The following TPGS1 variants were observed in gnomAD, a reference collection of about 807,000 sequenced individuals.
TPGS1 encodes the protein gene trap ROSA b-geo 22.
TPGS1 carries 18 observed loss-of-function variants against 11.9 expected under a neutral mutation model. That is an observed-to-expected ratio of 1.51 (90% confidence interval 1.04 to 2.24). The LOEUF (loss-of-function observed/expected upper bound fraction) is 2.24, where lower values mean the gene tolerates loss of function less well. Among genes scored for constraint, TPGS1 ranks in the 30% most tolerant of loss-of-function variants. The pLI is 0.00. For synonymous variants in TPGS1, 247 were observed against 218.2 expected (o/e 1.13, Z -1.16); for missense variants, 500 against 443.0 (o/e 1.13, Z -1.16).
intron 1 of TPGS1, 87 bp downstream of exon 1, chr19:507,931 G>T: frequency 9.3e-7 from 1 of 1,074,084 alleles, no homozygotes; most frequent in African/African-American, 1.6e-5. Flanking sequence ...CCGCAGCGCC[G>T]GCGCAGGGGC....
intron 1 of TPGS1, among the ~76,000 whole-genome samples, chr19:510,736 C>T (rs1978770212): frequency 2.0e-5 from 3 of 152,218 alleles, no homozygotes. Context: ...TCAGCCACCA[C>T]GTTGCTCATC....
chr19:518,709 G>A (rs1259359535), intron 1 of TPGS1, among the ~76,000 whole-genome samples, 180 bp from the exon 2 acceptor site: 2 of 144,160 alleles, frequency 1.4e-5, no homozygotes, highest in East Asian at 2.1e-4. Flanking sequence ...GCTCAAGAGA[G>A]GAGCTTCAGG....
chr19:519,509 G>T lies in TPGS1; in HGVS notation c.*86G>T. The T allele has an allele frequency of 8.9e-7, 1 of 1,123,380 alleles. No individual in the cohort carries two copies. The highest frequency in any genetic ancestry group is 1.1e-6 in the Non-Finnish European group (1 of 909,144). 69.6% of individuals were successfully genotyped at this position (1,123,380 alleles called of 1,614,324 possible). A position where few individuals can be genotyped will look rare whatever the true frequency, so the allele number is the denominator to read the frequency against. ...GGAGCCTTCCCTTCGCCCTGGTGAG[G>T]CCCTGCCATAACCAGGCGCCCAGCC... On this transcript the variant is annotated 3_prime_UTR_variant, in exon 2 of 2. Coordinates refer to ENST00000359315, the MANE Select transcript of TPGS1 (RefSeq NM_033513.3).
In TPGS1 at chr19:519,510, C is replaced by A; in HGVS notation, c.*87C>A. ...GAGCCTTCCCTTCGCCCTGGTGAGG[C>A]CCTGCCATAACCAGGCGCCCAGCCC... On this transcript the variant is annotated 3_prime_UTR_variant, in exon 2 of 2. Transcript: ENST00000359315. 1 of 1,113,886 alleles carries A rather than the reference C, an allele frequency of 9.0e-7. No individual in the cohort carries two copies. The highest frequency in any genetic ancestry group is 1.1e-6 in the Non-Finnish European group (1 of 900,554). 69.0% of individuals were successfully genotyped at this position (1,113,886 alleles called of 1,614,324 possible).
At chr19:515,876 C>CA (rs539226919) in intron 1 of TPGS1, among the ~76,000 whole-genome samples, 8,368 of 151,342 alleles carry the variant, frequency 0.055, 286 homozygotes, top group South Asian at 0.1. Flanking sequence ...ACTAAAAATA[C>CA]AAAAAATTAG....
At chr19:508,018 G>C (rs1003293129) in intron 1 of TPGS1, 174 bp downstream of exon 1, 9 of 486,526 alleles carry the variant, frequency 1.8e-5, no homozygotes, top group Non-Finnish European at 2.6e-5. Context: ...TGGAGGGTCC[G>C]GGCTTCGGTC....
intron 1 of TPGS1, among the ~76,000 whole-genome samples, chr19:514,860 GC>G (rs1486799159): frequency 1.3e-5 from 2 of 152,190 alleles, no homozygotes; most frequent in Non-Finnish European, 2.9e-5. Flanking sequence ...TCCTGCAGCG[GC>G]CCCCACGCTG....
intron 1 of TPGS1, among the ~76,000 whole-genome samples, chr19:516,010 C>G (rs1408313384): frequency 1.4e-5 from 2 of 142,628 alleles, no homozygotes; most frequent in African/African-American, 5.2e-5. Flanking sequence ...CCAGCCCGGG[C>G]GACAGAGCGA....
At chr19:515,963 C>T (rs1201409668) in intron 1 of TPGS1, among the ~76,000 whole-genome samples, 3 of 146,214 alleles carry the variant, frequency 2.1e-5, no homozygotes, top group South Asian at 4.4e-4. Context: ...ACCCGGGAGG[C>T]GGAGCTTGCA....
chr19:516,998 C>T (rs76447461), intron 1 of TPGS1, among the ~76,000 whole-genome samples: 8,423 of 147,682 alleles, frequency 0.057, 287 homozygotes, highest in South Asian at 0.1. Flanking sequence ...CCAGATGCCC[C>T]AGACAGATGC....
At chr19:517,855 C>T (rs911504643) in intron 1 of TPGS1, among the ~76,000 whole-genome samples, 7 of 3,294 alleles carry the variant, frequency 2.1e-3, no homozygotes, top group African/African-American at 9.7e-3. Context: ...CCGGGCTGGG[C>T]GGTGCTGGGA....
Position 519,511 on chromosome 19 carries a change from C to A in TPGS1, c.*88C>A. The A allele has an allele frequency of 9.0e-7, 1 of 1,107,970 alleles. No homozygotes were observed. The highest frequency in any genetic ancestry group is 1.1e-6 in the Non-Finnish European group (1 of 895,712). 68.6% of individuals were successfully genotyped at this position (1,107,970 alleles called of 1,614,324 possible). ...AGCCTTCCCTTCGCCCTGGTGAGGC[C>A]CTGCCATAACCAGGCGCCCAGCCCT... On this transcript the variant is annotated 3_prime_UTR_variant, in exon 2 of 2. Transcript: ENST00000359315.
chr19:513,971 C>G (rs371517336), intron 1 of TPGS1, among the ~76,000 whole-genome samples: 6 of 151,566 alleles, frequency 4.0e-5, no homozygotes, highest in African/African-American at 1.5e-4. Context: ...TGCCCCGGCC[C>G]CACATTTACT....
chr19:518,452 A>G (rs1177456203), intron 1 of TPGS1, among the ~76,000 whole-genome samples: 2 of 41,228 alleles, frequency 4.9e-5, no homozygotes, highest in Admixed American at 3.2e-4. Context: ...TGGGGGGAGG[A>G]GAGGCCAGGG....
rs1268270862 is a variant in TPGS1 at position 507,828 on chromosome 19, G to A, written c.322G>A (p.Ala108Thr). 2 of 1,347,836 alleles carry A rather than the reference G, an allele frequency of 1.5e-6. No homozygotes were observed. Among genetic ancestry groups the A allele is most frequent in the East Asian group, 3.0e-5 (1 of 32,808 alleles). 83.5% of individuals were successfully genotyped at this position (1,347,836 alleles called of 1,614,324 possible). Residue 108 changes from alanine to threonine, a missense_variant, in exon 1 of 2, where the codon GCC becomes ACC. By Grantham distance (58) the Ala-to-Thr change is moderately conservative (BLOSUM62 0). Transcript: ENST00000359315. ...LGRALWHLRL[A>T]HHSQRAAFNN... is the part of the protein sequence containing the mutation. ...CCGCGCGCTATGGCACCTTCGCCTG[G>A]CCCACCACTCCCAGAGGTGCGCAGT...
At chr19:514,904 C>T (rs1487059726) in intron 1 of TPGS1, among the ~76,000 whole-genome samples, 3 of 152,222 alleles carry the variant, frequency 2.0e-5, no homozygotes, top group Admixed American at 2.0e-4. Flanking sequence ...CCCTGGTGCC[C>T]TCCACGGGAG....
At chr19:515,108 G>A (rs1308259556) in intron 1 of TPGS1, among the ~76,000 whole-genome samples, 12 of 152,240 alleles carry the variant, frequency 7.9e-5, no homozygotes, top group Admixed American at 7.8e-4. Flanking sequence ...CTGGTCGGAA[G>A]CTGCCACAGG....
chr19:519,077 T>C lies in TPGS1; in HGVS notation c.527T>C (p.Val176Ala). ...GTGCAGTGCCGTGACCACGAGGCGG[T>C]GCCGCTGAGCGTCTTCCGCGCGGGC... ...RKVQCRDHEA[V>A]PLSVFRAGTL... is the part of the protein sequence containing the mutation. Residue 176 changes from valine (V) to alanine (A), a missense_variant, in exon 2 of 2, where the codon GTG becomes GCG. Coordinates refer to ENST00000359315, the MANE Select transcript of TPGS1 (RefSeq NM_033513.3). The C allele has an allele frequency of 6.5e-7, 1 of 1,534,692 alleles. No homozygotes were observed. Among genetic ancestry groups the C allele is most frequent in the East Asian group, 2.5e-5 (1 of 40,648 alleles).
At position 507,784 on chromosome 19, in the gene TPGS1, T is replaced by TGCA. The variant is rs1461837664; in HGVS notation, c.287_289dup (p.Gln96dup). On this transcript the variant is annotated inframe_insertion, in exon 1 of 2. Coordinates refer to ENST00000359315, the MANE Select transcript of TPGS1 (RefSeq NM_033513.3). Reference sequence around the variant, plus strand: ...GGGGAGCCCCCGGGCCAGCTCCTGCTGCAGCAGCAGCGCCTGGGCCGCGCG... The same window carrying TGCA: ...GGGGAGCCCCCGGGCCAGCTCCTGCTGCAGCAGCAGCAGCGCCTGGGCCGCGCG... 13 of 1,389,700 alleles carry TGCA rather than the reference T, an allele frequency of 9.4e-6. No individual in the cohort carries two copies. The highest frequency in any genetic ancestry group is 1.0e-5 in the Non-Finnish European group (11 of 1,074,884). The allele number at this position is 1,389,700 out of a possible 1,614,324, so 86.1% of individuals were successfully genotyped here. A position where few individuals can be genotyped will look rare whatever the true frequency, so the allele number is the denominator to read the frequency against.
Sources: gnomAD v4.1 joint callset for allele counts (sites outside exome capture counted in the v4.1 genomes callset) on GRCh38, gnomAD v4.1.1 for gene constraint, MANE v1.5 for transcripts, NCBI Gene and HGNC (gene_info 2026-07-23, HGNC 2026-07-21) for gene names.